The following VANGL1 variants were observed in gnomAD, a reference collection of about 807,000 sequenced individuals.
VANGL1 encodes the protein vang-like protein 1.
A neutral mutation model predicts 48.4 loss-of-function variants in VANGL1; 18 were observed. The observed-to-expected ratio is 0.37, with a 90% confidence interval of 0.26 to 0.55. VANGL1 has a LOEUF of 0.55. VANGL1 is among the 20% of genes least tolerant of loss of function. The probability of loss-of-function intolerance (pLI) is 0.81; values close to 1 mark genes in which losing one functional copy is unlikely to be tolerated. For missense variants in VANGL1, 667 were observed against 675.8 expected (o/e 0.99, Z 0.14); for synonymous variants, 257 against 261.8 (o/e 0.98, Z 0.18).
At chr1:115,654,060 C>T (rs1315513018) in intron 2 of VANGL1, among the ~76,000 whole-genome samples, 1 of 152,122 alleles carries the variant, frequency 6.6e-6, no homozygotes, top group African/African-American at 2.4e-5. Context: ...GGGTTGCCCC[C>T]CACAGGCATG....
At chr1:115,689,676 G>A (rs752232665) in intron 7 of VANGL1, among the ~76,000 whole-genome samples, 4 of 133,828 alleles carry the variant, frequency 3.0e-5, no homozygotes, top group Non-Finnish European at 4.8e-5. Flanking sequence ...ACTGTTCTTC[G>A]CCAGGTGCAG....
In VANGL1 at chr1:115,682,333, C is replaced by T. The variant is rs140025290; in HGVS notation, c.813-31C>T. ...AGGACCTGCTTCTTCAGTGAAAAAGCTTTGCATTAATTTTGTTCTTTTTTT... is the reference window on the plus strand; with the variant it reads ...AGGACCTGCTTCTTCAGTGAAAAAGTTTTGCATTAATTTTGTTCTTTTTTT... On this transcript the variant is annotated intron_variant, in intron 4 of 7. Coordinates refer to ENST00000355485, the MANE Select transcript of VANGL1 (RefSeq NM_138959.3). 102 of 1,613,186 alleles carry T rather than the reference C, an allele frequency of 6.3e-5. 1 individual carries two copies. The African/African-American group carries it at 1.3e-3, about 20-fold the overall frequency.
intron 3 of VANGL1, among the ~76,000 whole-genome samples, chr1:115,660,568 T>G (rs1652510108): frequency 6.6e-6 from 1 of 152,192 alleles, no homozygotes; most frequent in African/African-American, 2.4e-5. Context: ...CCACCTGATT[T>G]AAATAAACAT....
intron 1 of VANGL1, among the ~76,000 whole-genome samples, chr1:115,644,314 TGACTTAAAACA>T (rs1281985022): frequency 6.6e-6 from 1 of 152,228 alleles, no homozygotes; most frequent in East Asian, 1.9e-4. Flanking sequence ...TACATGTAAG[TGACTTAAAACA>T]GCATCTAACA....
chr1:115,681,568 G>A (rs1287253590), intron 4 of VANGL1, among the ~76,000 whole-genome samples: 3 of 149,318 alleles, frequency 2.0e-5, no homozygotes, highest in Non-Finnish European at 3.0e-5. Context: ...GTGCAGTGGT[G>A]CAGTCTCGGC....
chr1:115,660,167 C>A lies in VANGL1; in HGVS notation c.204+394C>A, dbSNP rs945017446. ...ACTGACCATTACTACTAGAGCTATG[C>A]AGGAATTGAGAGGCCGCACGCTCAG... On this transcript the variant is annotated intron_variant, in intron 3 of 7. Coordinates refer to ENST00000355485, the MANE Select transcript of VANGL1 (RefSeq NM_138959.3). Among the ~76,000 whole-genome samples the A allele has an allele frequency of 6.4e-4, 98 of 152,160 alleles. 1 individual carries two copies. The highest frequency in any genetic ancestry group is 2.3e-3 in the African/African-American group (94 of 41,428).
chr1:115,645,170 T>C (rs1396954882), intron 1 of VANGL1, among the ~76,000 whole-genome samples: 2 of 152,100 alleles, frequency 1.3e-5, no homozygotes, highest in Non-Finnish European at 2.9e-5. Flanking sequence ...TGACATTTGC[T>C]TCCAACCTGG....
At chr1:115,652,985 T>C (rs1652209274) in intron 2 of VANGL1, among the ~76,000 whole-genome samples, 1 of 152,234 alleles carries the variant, frequency 6.6e-6, no homozygotes, top group African/African-American at 2.4e-5. Context: ...TTCTCAAAGA[T>C]GTTTGATGAC....
chr1:115,658,504 G>C lies in VANGL1; in HGVS notation c.72-1137G>C, dbSNP rs192655956. Among the ~76,000 whole-genome samples the C allele has an allele frequency of 6.1e-3, 926 of 152,294 alleles. 8 individuals are homozygous for C. The highest frequency in any genetic ancestry group is 0.027 in the Middle Eastern group (8 of 294). Reference sequence around the variant, plus strand: ...ACCATTTCATACATAAAGAAACCAAGGTTTTCAGAGATTGAATAACTTGTG... The same window carrying C: ...ACCATTTCATACATAAAGAAACCAACGTTTTCAGAGATTGAATAACTTGTG... On this transcript the variant is annotated intron_variant, in intron 2 of 7. Transcript: ENST00000355485.
chr1:115,654,257 A>C (rs1484841294), intron 2 of VANGL1, among the ~76,000 whole-genome samples: 3 of 151,960 alleles, frequency 2.0e-5, no homozygotes, highest in African/African-American at 7.3e-5. Context: ...AAATGCACCA[A>C]ACTTGATATG....
chr1:115,668,028 C>T (rs1652855435), intron 4 of VANGL1, among the ~76,000 whole-genome samples: 1 of 152,176 alleles, frequency 6.6e-6, no homozygotes, highest in South Asian at 2.1e-4. Context: ...ATGTGCAACT[C>T]AGTTTTCACA....
At chr1:115,665,078 C>A (rs1351685074) in intron 4 of VANGL1, among the ~76,000 whole-genome samples, 1 of 152,222 alleles carries the variant, frequency 6.6e-6, no homozygotes, top group Non-Finnish European at 1.5e-5. Context: ...ATTTAGGATT[C>A]ACTCAGATGT....
At position 115,684,037 on chromosome 1, in the gene VANGL1, A is replaced by G. The variant is rs34059106; in HGVS notation, c.1040A>G (p.Glu347Gly). Residue 347 changes from glutamate to glycine, a missense_variant, in exon 6 of 8, where the codon GAG (glutamate) becomes GGG (glycine). Coordinates refer to ENST00000355485, the MANE Select transcript of VANGL1 (RefSeq NM_138959.3). ...DSSHNELYYE[E>G]AEHERRVKKR... ...AGCCACAACGAGTTGTATTATGAAG[A>G]GGCCGAACATGAACGGCGAGTAAAG... The G allele has an allele frequency of 6.2e-7, 1 of 1,614,124 alleles. No individual in the cohort carries two copies. Among genetic ancestry groups the G allele is most frequent in the Non-Finnish European group, 8.5e-7 (1 of 1,180,000 alleles).
chr1:115,649,169 A>G (rs920007961), intron 1 of VANGL1, among the ~76,000 whole-genome samples: 1 of 152,190 alleles, frequency 6.6e-6, no homozygotes, highest in Non-Finnish European at 1.5e-5. Flanking sequence ...TGGAGACAGT[A>G]GGCAGAAAAA....
intron 4 of VANGL1, among the ~76,000 whole-genome samples, chr1:115,675,502 A>G (rs940408402): frequency 6.6e-6 from 1 of 152,128 alleles, no homozygotes; most frequent in Non-Finnish European, 1.5e-5. Flanking sequence ...CTGTCTCAAA[A>G]ATAAAAATAA....
At chr1:115,650,960 C>CGCAGATG (rs1486446910) in intron 1 of VANGL1, among the ~76,000 whole-genome samples, 1 of 151,586 alleles carries the variant, frequency 6.6e-6, no homozygotes, top group Non-Finnish European at 1.5e-5. Flanking sequence ...TGTGGAGGGT[C>CGCAGATG]GCAGATGTGG....
chr1:115,674,743 T>C (rs1019603462), intron 4 of VANGL1, among the ~76,000 whole-genome samples: 1 of 152,164 alleles, frequency 6.6e-6, no homozygotes, highest in Non-Finnish European at 1.5e-5. Flanking sequence ...GACTTGTCCA[T>C]GGGGGATGTC....
At position 115,683,988 on chromosome 1, in the gene VANGL1, G is replaced by A; in HGVS notation, c.991G>A (p.Ala331Thr). ...TGGCCAGTCCCGGGCCATGATTGCT[G>A]CAGCTGCTCGGCGCAGGGACTCAAG... is the stretch of plus-strand genomic sequence containing the variant. ...ATGQSRAMIA[A>T]AARRRDSSHN... Residue 331 changes from alanine (A) to threonine (T), a missense_variant, in exon 6 of 8, where the codon GCA becomes ACA. Transcript: ENST00000355485. The A allele has an allele frequency of 6.2e-7, 1 of 1,614,128 alleles. No homozygotes were observed. The highest frequency in any genetic ancestry group is 8.5e-7 in the Non-Finnish European group (1 of 1,180,002).
At position 115,674,152 on chromosome 1, in the gene VANGL1, G is replaced by C. The variant is rs536254878; in HGVS notation, c.813-8212G>C. Among the ~76,000 whole-genome samples, 13 of 152,286 alleles carry C rather than the reference G, an allele frequency of 8.5e-5. 1 individual carries two copies. The South Asian group carries it at 2.7e-3, about 32-fold the overall frequency. On this transcript the variant is annotated intron_variant, in intron 4 of 7. Coordinates refer to ENST00000355485, the MANE Select transcript of VANGL1 (RefSeq NM_138959.3). Reference sequence around the variant, plus strand: ...CTGCTCACACTGCTTTCTCTGCCTGGAATTTGCTTTACAGCCTGTTGTCCC... The same window carrying C: ...CTGCTCACACTGCTTTCTCTGCCTGCAATTTGCTTTACAGCCTGTTGTCCC...
Sources: gnomAD v4.1 joint callset for allele counts (sites outside exome capture counted in the v4.1 genomes callset) on GRCh38, gnomAD v4.1.1 for gene constraint, MANE v1.5 for transcripts, NCBI Gene and HGNC (gene_info 2026-07-23, HGNC 2026-07-21) for gene names.